The following TMEM43 variants were observed in gnomAD, a reference collection of about 807,000 sequenced individuals.
TMEM43 encodes the protein transmembrane protein 43, also known as arrhythmogenic right ventricular dysplasia 5.
TMEM43 carries 45 observed loss-of-function variants against 49.6 expected under a neutral mutation model. The observed-to-expected ratio is 0.91, with a 90% confidence interval of 0.71 to 1.16. The LOEUF (loss-of-function observed/expected upper bound fraction) is 1.16, where lower values mean the gene tolerates loss of function less well. Ranked by LOEUF, TMEM43 falls within the 50% of genes most tolerant of loss-of-function variation. The pLI is 0.00. For synonymous variants in TMEM43, 199 were observed against 207.8 expected, an observed-to-expected ratio of 0.96 and a Z score of 0.36; for missense variants, 532 against 516.6, an observed-to-expected ratio of 1.03 and a Z score of -0.29.
intron 10 of TMEM43, chr3:14,137,190 G>A (rs1025477055): frequency 6.7e-6 from 1 of 149,714 alleles, no homozygotes; most frequent in African/African-American, 2.5e-5. Flanking sequence ...GGGCTAGGGT[G>A]TGGTCAGGCT....
intron 7 of TMEM43, 65 bp from the exon 8 acceptor site, chr3:14,134,705 A>C: frequency 6.2e-7 from 1 of 1,611,032 alleles, no homozygotes; most frequent in Non-Finnish European, 8.5e-7. Flanking sequence ...GGGTCAGGCC[A>C]GGGACTTTGC....
chr3:14,140,187 T>C (rs995455428), intron 11 of TMEM43, among the ~76,000 whole-genome samples: 3 of 152,328 alleles, frequency 2.0e-5, no homozygotes, highest in African/African-American at 7.2e-5. Context: ...GAGCCTTTCT[T>C]TGGACAGCTG....
chr3:14,141,078 G>A (rs1347940383), intron 11 of TMEM43, among the ~76,000 whole-genome samples: 1 of 152,198 alleles, frequency 6.6e-6, no homozygotes, highest in African/African-American at 2.4e-5. Context: ...CTTGAGGAGA[G>A]GCCAATGCTT....
rs377104916 is a variant in TMEM43 at position 14,141,666 on chromosome 3, G to A, written c.1074G>A (p.Ser358=). 1.1e-5 allele frequency: 18 copies of A among 1,614,016 alleles called. No individual in the cohort carries two copies. The highest frequency in any genetic ancestry group is 6.7e-5 in the African/African-American group (5 of 74,884). The change falls in exon 12 of 12, where the codon TCG becomes TCA. Residue 358 remains serine (S), a synonymous_variant. Transcript: ENST00000306077. ...LKAFAFCVAT[S]LTLLTVAAGW... ...CCTTTGCCTTCTGTGTGGCCACCTCGCTGACCCTGCTGACCGTGGCGGCTG... is the reference window on the plus strand; with the variant it reads ...CCTTTGCCTTCTGTGTGGCCACCTCACTGACCCTGCTGACCGTGGCGGCTG...
Position 14,130,823 on chromosome 3 carries a change from G to A in TMEM43, c.164G>A (p.Gly55Asp), listed in dbSNP as rs201453637. The A allele has an allele frequency of 9.7e-5, 156 of 1,613,628 alleles. 2 individuals carry two copies. The South Asian group carries it at 1.3e-3, about 14-fold the overall frequency. Reference sequence around the variant, plus strand: ...ATCCCCACTCCCCTTTGCTCCCAGGGCCGCGCATTGAAGACGGCAACCTCA... The same window carrying A: ...ATCCCCACTCCCCTTTGCTCCCAGGACCGCGCATTGAAGACGGCAACCTCA... ...LSFYLIFTNEGRALKTATSLA... is the reference protein window; with the variant it reads ...LSFYLIFTNEDRALKTATSLA... Residue 55 changes from glycine (G) to aspartate (D), a missense_variant and splice_region_variant, in exon 3 of 12, where the codon GGC (glycine) becomes GAC (aspartate). By Grantham distance (94) the Gly-to-Asp change is moderately conservative. Transcript: ENST00000306077.
At chr3:14,136,258 A>G (rs1695168863) in intron 10 of TMEM43, among the ~76,000 whole-genome samples, 1 of 152,202 alleles carries the variant, frequency 6.6e-6, no homozygotes, top group Admixed American at 6.5e-5. Flanking sequence ...TGGGATTTCC[A>G]CTAGTGGCGT....
At chr3:14,134,669 G>C in intron 7 of TMEM43, 101 bp from the exon 8 acceptor site, 1 of 1,524,268 alleles carries the variant, frequency 6.6e-7, no homozygotes, top group South Asian at 1.1e-5. Flanking sequence ...TGCCACGTGT[G>C]CAGGCTCCAG....
At chr3:14,137,715 T>C (rs1371656663) in intron 10 of TMEM43, 1 of 152,338 alleles carries the variant, frequency 6.6e-6, no homozygotes, top group East Asian at 1.9e-4. Flanking sequence ...GAGCTGGTGC[T>C]GATCTCTCAG....
intron 3 of TMEM43, 97 bp downstream of exon 3, chr3:14,131,053 C>G: frequency 6.8e-7 from 1 of 1,475,576 alleles, no homozygotes; most frequent in South Asian, 1.3e-5. Context: ...TGGAGATGGT[C>G]ACACATGGGA....
chr3:14,135,932 C>T (rs373729601), intron 10 of TMEM43, 24 bp downstream of exon 10: 31 of 1,585,036 alleles, frequency 2.0e-5, no homozygotes, highest in African/African-American at 1.9e-4. Flanking sequence ...CCTACTCGTA[C>T]GGTGGAGGAA....
chr3:14,139,382 C>A, intron 11 of TMEM43, 85 bp downstream of exon 11: 1 of 971,138 alleles, frequency 1.0e-6, no homozygotes, highest in South Asian at 1.3e-5. Flanking sequence ...GCCCTTCCAG[C>A]CTGATGGGAT....
rs1213690461 is a variant in TMEM43 at position 14,132,925 on chromosome 3, A to G, written c.502A>G (p.Lys168Glu). Residue 168 changes from lysine to glutamate, a missense_variant, in exon 6 of 12, where the codon AAA becomes GAA. Physicochemically the swap from Lys to Glu is moderately conservative, Grantham distance 56 (BLOSUM62 1). Transcript: ENST00000306077. Reference protein sequence around the residue: ...SKNFDREIGHKNPSAMAVESF... With the variant: ...SKNFDREIGHENPSAMAVESF... ...AAACTTCGACCGAGAGATTGGCCAC[A>G]AAAACCCCAGGTGAGAGCCAGGCCC... 1 of 1,613,616 alleles carries G rather than the reference A, an allele frequency of 6.2e-7. No homozygotes were observed. The highest frequency in any genetic ancestry group is 1.3e-5 in the African/African-American group (1 of 75,042).
chr3:14,142,095 GCCACTCAGCCCA>G lies in TMEM43; in HGVS notation c.*301_*312del. On this transcript the variant is annotated 3_prime_UTR_variant, in exon 12 of 12. Coordinates refer to ENST00000306077, the MANE Select transcript of TMEM43 (RefSeq NM_024334.3). The stretch of plus-strand genomic sequence containing the variant: ...CTCTTGGACTGAGTGGGTACGGCCA[GCCACTCAGCCCA>G]TTGGCAGCTGACAACGCAGACACGC... 1 of 447,946 alleles carries G rather than the reference GCCACTCAGCCCA, an allele frequency of 2.2e-6. No homozygotes were observed. The highest frequency in any genetic ancestry group is 4.1e-6 in the Non-Finnish European group (1 of 242,054). 27.7% of individuals were successfully genotyped at this position (447,946 alleles called of 1,614,324 possible). A position where few individuals can be genotyped will look rare whatever the true frequency, so the allele number is the denominator to read the frequency against.
intron 7 of TMEM43, 137 bp downstream of exon 7, chr3:14,133,946 G>A (rs1335767349): frequency 2.3e-6 from 2 of 865,474 alleles, no homozygotes; most frequent in Admixed American, 3.7e-5. Context: ...ATGCTTTGGG[G>A]GCCAGGGGAA....
chr3:14,134,696 G>T (rs1695142967), intron 7 of TMEM43, 74 bp from the exon 8 acceptor site: 1 of 1,604,334 alleles, frequency 6.2e-7, no homozygotes, highest in Middle Eastern at 1.7e-4. Flanking sequence ...AGTGGAAGGG[G>T]GTCAGGCCAG....
At position 14,142,302 on chromosome 3, in the gene TMEM43, A is replaced by G; in HGVS notation, c.*507A>G. On this transcript the variant is annotated 3_prime_UTR_variant, in exon 12 of 12. Coordinates refer to ENST00000306077, the MANE Select transcript of TMEM43 (RefSeq NM_024334.3). The stretch of plus-strand genomic sequence containing the variant: ...TCACCAGCAGACACACTGGGCATGG[A>G]CCCCTCAAAGCAGGCACACCCAAAA... 5.7e-6 allele frequency: 1 copy of G among 175,874 alleles called. No individual in the cohort carries two copies. Among genetic ancestry groups the G allele is most frequent in the Non-Finnish European group, 1.2e-5 (1 of 80,214 alleles). 10.9% of individuals were successfully genotyped at this position (175,874 alleles called of 1,614,324 possible).
Position 14,131,564 on chromosome 3 carries a change from TTGATTC to T in TMEM43, c.298-13_298-8del. Reference sequence around the variant, plus strand: ...GTTATCCTTTATTTTTTTGGTTTCTTTGATTCTGTTTGAAGCTTTTGTCTGATCCAA... The same window carrying T: ...GTTATCCTTTATTTTTTTGGTTTCTTTGTTTGAAGCTTTTGTCTGATCCAA... On this transcript the variant is annotated splice_polypyrimidine_tract_variant and intron_variant, in intron 3 of 11. Coordinates refer to ENST00000306077, the MANE Select transcript of TMEM43 (RefSeq NM_024334.3). The T allele has an allele frequency of 6.2e-7, 1 of 1,612,906 alleles. No individual in the cohort carries two copies. The highest frequency in any genetic ancestry group is 8.5e-7 in the Non-Finnish European group (1 of 1,178,970).
intron 10 of TMEM43, 56 bp from the exon 11 acceptor site, chr3:14,139,124 G>C: frequency 7.6e-7 from 1 of 1,322,332 alleles, no homozygotes; most frequent in South Asian, 1.2e-5. Context: ...CTGCCCTGCC[G>C]ACTGGGTACG....
chr3:14,127,107 A>C (rs949277107), intron 1 of TMEM43, among the ~76,000 whole-genome samples: 14 of 152,098 alleles, frequency 9.2e-5, no homozygotes, highest in African/African-American at 3.4e-4. Context: ...GGGATGTGTC[A>C]CTGGGGATGT....
Sources: allele counts gnomAD v4.1 joint callset (sites outside exome capture counted in the v4.1 genomes callset), GRCh38; gene constraint gnomAD v4.1.1; transcripts MANE v1.5; gene names NCBI Gene and HGNC (gene_info 2026-07-23, HGNC 2026-07-21).